Variants in GATAD1 observed in about 807,000 individuals in gnomAD.
GATAD1 encodes GATA zinc finger domain-containing protein 1.
A neutral mutation model predicts 26.5 loss-of-function variants in GATAD1; 12 were observed. That is an observed-to-expected ratio of 0.45 (90% confidence interval 0.29 to 0.73). The LOEUF is 0.73. Ranked by LOEUF, GATAD1 falls within the 30% of genes least tolerant of loss-of-function variation. GATAD1 has a pLI of 0.10. For missense variants in GATAD1, 266 were observed against 342.1 expected (o/e 0.78, Z 1.75); for synonymous variants, 129 against 133.1 (o/e 0.97, Z 0.21).
At chr7:92,489,449 A>G in the GATAD1 span, 1 of 1,605,710 alleles carries the variant, frequency 6.2e-7, no homozygotes, top group East Asian at 2.2e-5. Context: ...AAATTGACGA[A>G]GAGTTAAATT....
chr7:92,487,613 G>T, the GATAD1 span: 1 of 651,448 alleles, frequency 1.5e-6, no homozygotes, highest in Non-Finnish European at 2.7e-6. Flanking sequence ...TGGATTGTTG[G>T]CAAACACAAT....
the GATAD1 span, chr7:92,469,549 C>A: frequency 1.3e-6 from 1 of 765,792 alleles, no homozygotes; most frequent in Non-Finnish European, 2.4e-6. Context: ...ATTCAAACAA[C>A]GATAGGCTGA....
Position 92,448,808 on chromosome 7 carries a change from T to A in GATAD1, c.306T>A (p.Ser102=), listed in dbSNP as rs555570405. The A allele has an allele frequency of 1.1e-5, 17 of 1,609,814 alleles. No homozygotes were observed. The South Asian group carries it at 1.8e-4, about 17-fold the overall frequency. Residue 102 remains serine, a synonymous_variant, in exon 2 of 5, where the codon TCT becomes TCA. Transcript: ENST00000287957. ...GGCTCAGAAACACTAAATACAAATC[T>A]GCTCCGGCTGCTGAAAAGAAAGTCT... is the stretch of plus-strand genomic sequence containing the variant. ...SARLRNTKYK[S]APAAEKKVST...
the GATAD1 span, chr7:92,475,089 A>G: frequency 1.3e-5 from 2 of 152,192 alleles, no homozygotes; most frequent in African/African-American, 4.8e-5. Flanking sequence ...CTTAATGAAA[A>G]GAAAGTTTGT....
At chr7:92,468,761 C>T in the GATAD1 span, 93 of 714,738 alleles carry the variant, frequency 1.3e-4, no homozygotes, top group Admixed American at 1.5e-3. Flanking sequence ...GGCCGACGAC[C>T]GCTCTAACTG....
At chr7:92,453,782 G>C (rs1789540188) in intron 3 of GATAD1, among the ~76,000 whole-genome samples, 2 of 152,220 alleles carry the variant, frequency 1.3e-5, no homozygotes, top group Non-Finnish European at 2.9e-5. Context: ...AAAGACTGCT[G>C]AGCTGATGTA....
chr7:92,458,591 A>G lies in GATAD1; in HGVS notation c.*2029A>G, dbSNP rs371632143. The stretch of plus-strand genomic sequence containing the variant: ...CCTCTTTTGTCCTGATTTAACCAGC[A>G]TTTTTCAACCCTGGGAAAATTTGCA... On this transcript the variant is annotated 3_prime_UTR_variant, in exon 5 of 5. Coordinates refer to ENST00000287957, the MANE Select transcript of GATAD1 (RefSeq NM_021167.5). 6.6e-6 allele frequency: 1 copy of G among 152,158 alleles called. No homozygotes were observed. The highest frequency in any genetic ancestry group is 1.5e-5 in the Non-Finnish European group (1 of 68,032). 9.4% of individuals were successfully genotyped at this position (152,158 alleles called of 1,614,324 possible).
At chr7:92,475,776 G>C in the GATAD1 span, among the ~76,000 whole-genome samples, 1 of 152,128 alleles carries the variant, frequency 6.6e-6, no homozygotes, top group Non-Finnish European at 1.5e-5. Flanking sequence ...AGCTGGGCTG[G>C]GTTCCTATTT....
At chr7:92,491,388 G>T in the GATAD1 span, 6 of 1,613,468 alleles carry the variant, frequency 3.7e-6, no homozygotes, top group Non-Finnish European at 8.5e-7. Context: ...AAAGAAACAA[G>T]GGACTGATCT....
At chr7:92,490,402 A>G in the GATAD1 span, among the ~76,000 whole-genome samples, 2 of 152,178 alleles carry the variant, frequency 1.3e-5, no homozygotes, top group Non-Finnish European at 2.9e-5. Context: ...TGGGAGGTCA[A>G]GGCACGCAGA....
chr7:92,450,596 A>G (rs1186105754), intron 2 of GATAD1, 105 bp from the exon 3 acceptor site: 2 of 674,098 alleles, frequency 3.0e-6, no homozygotes, highest in Non-Finnish European at 5.3e-6. Context: ...TCACCAAACA[A>G]TACATTTTAG....
At chr7:92,471,411 T>C in the GATAD1 span, 1 of 152,594 alleles carries the variant, frequency 6.6e-6, no homozygotes, top group African/African-American at 2.4e-5. Context: ...GTGCTATCGA[T>C]GCCTAAGTGA....
chr7:92,467,608 G>A, the GATAD1 span, among the ~76,000 whole-genome samples: 6 of 152,176 alleles, frequency 3.9e-5, no homozygotes, highest in African/African-American at 1.2e-4. Context: ...TGATCAAGTC[G>A]CAAAGCTGAA....
In GATAD1 at chr7:92,447,747, G is replaced by A. The variant is rs1789215008; in HGVS notation, c.18G>A (p.Lys6=). 1.3e-6 allele frequency: 2 copies of A among 1,494,270 alleles called. No individual in the cohort carries two copies. The highest frequency in any genetic ancestry group is 1.5e-5 in the African/African-American group (1 of 68,098). 92.6% of individuals were successfully genotyped at this position (1,494,270 alleles called of 1,614,324 possible). ...CGGCCACCATGCCGCTGGGCCTGAA[G>A]CCCACCTGCAGCGTATGCAAGACCA... MPLGL[K]PTCSVCKTTS... The change falls in exon 1 of 5, where the codon AAG becomes AAA. Residue 6 remains lysine, a synonymous_variant. Transcript: ENST00000287957.
chr7:92,481,036 G>T, the GATAD1 span, among the ~76,000 whole-genome samples: 5 of 152,116 alleles, frequency 3.3e-5, no homozygotes, highest in African/African-American at 1.2e-4. Flanking sequence ...CAATCAGTTC[G>T]GCTTGCTGAG....
the GATAD1 span, among the ~76,000 whole-genome samples, chr7:92,482,948 C>T: frequency 1.3e-5 from 2 of 152,078 alleles, no homozygotes; most frequent in Non-Finnish European, 2.9e-5. Context: ...GCCCCTGTAT[C>T]GATTAAACAG....
downstream of GATAD1, among the ~76,000 whole-genome samples, chr7:92,462,152 G>A (rs1789942323): frequency 6.6e-6 from 1 of 152,124 alleles, no homozygotes; most frequent in African/African-American, 2.4e-5. Flanking sequence ...CAAAAAATGG[G>A]TATAAAAAGA....
the GATAD1 span, among the ~76,000 whole-genome samples, chr7:92,473,628 A>G: frequency 6.6e-6 from 1 of 151,804 alleles, no homozygotes; most frequent in African/African-American, 2.4e-5. Context: ...GCTTTCAAGC[A>G]TAATTAGAAA....
At chr7:92,485,108 C>T in the GATAD1 span, among the ~76,000 whole-genome samples, 8 of 152,090 alleles carry the variant, frequency 5.3e-5, no homozygotes, top group Admixed American at 1.3e-4. Context: ...GTTAATCGCT[C>T]AGTTAAGATG....
Sources: gnomAD v4.1 joint callset for allele counts (sites outside exome capture counted in the v4.1 genomes callset) on GRCh38, gnomAD v4.1.1 for gene constraint, MANE v1.5 for transcripts, NCBI Gene and HGNC (gene_info 2026-07-23, HGNC 2026-07-21) for gene names.